PCDHA6: variants seen among roughly 807,000 people sequenced by gnomAD.
PCDHA6 encodes the protein protocadherin alpha-6.
A neutral mutation model predicts 60.3 loss-of-function variants in PCDHA6; 55 were observed. The ratio of observed to expected loss-of-function variants is 0.91; its 90% CI spans 0.73 to 1.14. The LOEUF (loss-of-function observed/expected upper bound fraction) is 1.14. PCDHA6 is among the 50% of genes most tolerant of loss of function. The probability of loss-of-function intolerance (pLI) is 0.00; values close to 1 mark genes in which losing one functional copy is unlikely to be tolerated. For synonymous variants in PCDHA6, 652 were observed against 557.9 expected, an observed-to-expected ratio of 1.17 and a Z score of -2.38; for missense variants, 1,327 against 1,256.5, an observed-to-expected ratio of 1.06 and a Z score of -0.85.
chr5:140,876,524 T>C (rs2056397184), intron 1 of PCDHA6: 1 of 1,614,018 alleles, frequency 6.2e-7, no homozygotes, highest in African/African-American at 1.3e-5. Flanking sequence ...CCTGAAGTAA[T>C]GGTTACTTCA....
intron 1 of PCDHA6, chr5:140,843,004 C>G (rs782142006): frequency 6.3e-7 from 1 of 1,595,032 alleles, no homozygotes; most frequent in Non-Finnish European, 8.6e-7. Flanking sequence ...AGAATGACAA[C>G]GCGCCGGCAC....
intron 3 of PCDHA6, among the ~76,000 whole-genome samples, chr5:140,991,200 A>C (rs2097437692): frequency 6.6e-6 from 1 of 152,234 alleles, no homozygotes; most frequent in Admixed American, 6.5e-5. Context: ...AATGATGCTC[A>C]ATAAATTTTG....
At chr5:141,002,726 A>C (rs1488452359) in intron 3 of PCDHA6, among the ~76,000 whole-genome samples, 1 of 152,250 alleles carries the variant, frequency 6.6e-6, no homozygotes, top group Non-Finnish European at 1.5e-5. Context: ...GGAAGGGCAC[A>C]GTAAATGTTA....
At chr5:140,853,891 G>T in intron 1 of PCDHA6, 1 of 976,002 alleles carries the variant, frequency 1.0e-6, no homozygotes. Flanking sequence ...AATTTAAAAA[G>T]ATGTGGTGGC....
rs2150372271 is a variant in PCDHA6, at chr5:140,844,591, T to C, written c.2394+14106T>C. ...TAATATTCCACATTAAAGTGATATT[T>C]AATATATGACTTAGAAAAATGTTTT... On this transcript the variant is annotated intron_variant, in intron 1 of 3. Transcript: ENST00000529310. Among the ~76,000 whole-genome samples the C allele has an allele frequency of 8.0e-5, 12 of 149,484 alleles. 2 individuals carry two copies. Among genetic ancestry groups the C allele is most frequent in the Non-Finnish European group, 1.6e-4 (11 of 66,840 alleles).
chr5:140,993,519 GAGAC>G (rs1554253814), intron 3 of PCDHA6, among the ~76,000 whole-genome samples: 1 of 151,288 alleles, frequency 6.6e-6, no homozygotes, highest in Non-Finnish European at 1.5e-5. Context: ...CGGGGAGAGA[GAGAC>G]AGAGAGAGAG....
chr5:140,926,705 G>A (rs1269250825), intron 1 of PCDHA6: 2 of 849,690 alleles, frequency 2.4e-6, no homozygotes, highest in Non-Finnish European at 3.3e-6. Context: ...GCTCCCAGCT[G>A]GCCAGCCCCG....
intron 3 of PCDHA6, among the ~76,000 whole-genome samples, chr5:140,994,342 T>C (rs571225967): frequency 1.3e-5 from 2 of 152,288 alleles, no homozygotes; most frequent in South Asian, 4.1e-4. Flanking sequence ...ACAGTGGATG[T>C]TGTGGGACCT....
chr5:140,883,213 A>G, intron 1 of PCDHA6: 1 of 1,614,090 alleles, frequency 6.2e-7, no homozygotes, highest in South Asian at 1.1e-5. Flanking sequence ...AAAAGAAATT[A>G]TATGAAATAT....
At chr5:140,839,656 G>A (rs2150299542) in intron 1 of PCDHA6, among the ~76,000 whole-genome samples, 4 of 152,154 alleles carry the variant, frequency 2.6e-5, no homozygotes, top group Admixed American at 1.3e-4. Context: ...CAAATTGTTT[G>A]CTACTATTTA....
intron 1 of PCDHA6, chr5:140,876,551 A>C: frequency 6.2e-7 from 1 of 1,614,184 alleles, no homozygotes; most frequent in Non-Finnish European, 8.5e-7. Flanking sequence ...CTCCCTGTGC[A>C]AGAGGATGCT....
Position 140,875,636 on chromosome 5 carries a change from A to T in PCDHA6, c.2394+45151A>T, listed in dbSNP as rs574545388. On this transcript the variant is annotated intron_variant, in intron 1 of 3. Coordinates refer to ENST00000529310, the MANE Select transcript of PCDHA6 (RefSeq NM_018909.4). The stretch of plus-strand genomic sequence containing the variant: ...CGCATCGCTCAGGACCTGGGGCTGG[A>T]GCTGGCGGAGCTGGTGCCGCGCCTG... 6 of 1,613,488 alleles carry T rather than the reference A, an allele frequency of 3.7e-6. No individual in the cohort carries two copies. The Admixed American group carries it at 8.3e-5, about 22-fold the overall frequency.
intron 1 of PCDHA6, chr5:140,870,402 T>A (rs782585618): frequency 3.7e-6 from 6 of 1,614,230 alleles, no homozygotes; most frequent in Middle Eastern, 1.6e-4. Context: ...GTTCGCCTTC[T>A]CTGTGGGCCA....
intron 1 of PCDHA6, among the ~76,000 whole-genome samples, chr5:140,881,688 T>C (rs2153380887): frequency 6.6e-6 from 1 of 152,368 alleles, no homozygotes; most frequent in Middle Eastern, 3.4e-3. Flanking sequence ...TATGTTTCCT[T>C]TTGGAGTCAA....
chr5:140,974,146 A>G (rs1208366709), intron 1 of PCDHA6, among the ~76,000 whole-genome samples: 1 of 152,260 alleles, frequency 6.6e-6, no homozygotes, highest in Non-Finnish European at 1.5e-5. Context: ...TGAAAACTAT[A>G]CAAGGGTTTT....
intron 1 of PCDHA6, among the ~76,000 whole-genome samples, chr5:140,902,795 A>G (rs555172255): frequency 6.8e-4 from 103 of 151,862 alleles, no homozygotes; most frequent in African/African-American, 2.3e-3. Context: ...TCTCACTTGT[A>G]TGTGAGAATA....
chr5:140,972,854 G>A (rs895738831), intron 1 of PCDHA6, among the ~76,000 whole-genome samples: 4 of 151,946 alleles, frequency 2.6e-5, no homozygotes, highest in Non-Finnish European at 4.4e-5. Flanking sequence ...AGTAGAGATG[G>A]GGTTTCATCA....
chr5:140,863,047 C>T, intron 1 of PCDHA6: 1 of 560,864 alleles, frequency 1.8e-6, no homozygotes. Context: ...TGTCAGCTGG[C>T]AGCACCCGTT....
chr5:140,851,007 T>G, intron 1 of PCDHA6: 1 of 1,436,880 alleles, frequency 7.0e-7, no homozygotes, highest in Non-Finnish European at 9.2e-7. Context: ...CCAGCAGATT[T>G]TTTTTCTGAT....
Sources: gnomAD v4.1 joint callset for allele counts (sites outside exome capture counted in the v4.1 genomes callset) on GRCh38, gnomAD v4.1.1 for gene constraint, MANE v1.5 for transcripts, NCBI Gene and HGNC (gene_info 2026-07-23, HGNC 2026-07-21) for gene names.